The following CACNG2 variants were observed in gnomAD, a reference collection of about 807,000 sequenced individuals.
CACNG2 encodes voltage-dependent calcium channel gamma-2 subunit.
A neutral mutation model predicts 25.9 loss-of-function variants in CACNG2; 3 were observed. That is an observed-to-expected ratio of 0.12 (90% CI 0.05 to 0.30). The LOEUF is 0.30. Among genes scored for constraint, CACNG2 ranks in the 10% least tolerant of loss-of-function variants. The pLI is 1.00. For missense variants in CACNG2, 341 were observed against 432.5 expected, an observed-to-expected ratio of 0.79 and a Z score of 1.88; for synonymous variants, 167 against 173.3, an observed-to-expected ratio of 0.96 and a Z score of 0.29.
At chr22:36,625,124 G>A (rs1401350664) in intron 1 of CACNG2, among the ~76,000 whole-genome samples, 4 of 151,818 alleles carry the variant, frequency 2.6e-5, no homozygotes, top group Non-Finnish European at 4.4e-5. Flanking sequence ...GTGTCAATAA[G>A]GCATCTCTGA....
chr22:36,623,283 A>G (rs1936136550), intron 1 of CACNG2, among the ~76,000 whole-genome samples: 1 of 152,032 alleles, frequency 6.6e-6, no homozygotes, highest in Non-Finnish European at 1.5e-5. Context: ...GGCCTCCCAA[A>G]GTGCTGGGAT....
In CACNG2 at chr22:36,648,197, T is replaced by C. The variant is rs145355211; in HGVS notation, c.211+54169A>G. On this transcript the variant is annotated intron_variant, in intron 1 of 3. Coordinates refer to ENST00000300105, the MANE Select transcript of CACNG2 (RefSeq NM_006078.5). ...TCAACCTGAGAAATGATGCAATCTT[T>C]TACCCAGTATAAATTCAGCTCTTTA... Among the ~76,000 whole-genome samples, 5 of 152,306 alleles carry C rather than the reference T, an allele frequency of 3.3e-5. No homozygotes were observed. The East Asian group carries it at 9.6e-4, about 29-fold the overall frequency.
At chr22:36,604,292 T>C (rs746828023) in intron 1 of CACNG2, among the ~76,000 whole-genome samples, 2 of 152,216 alleles carry the variant, frequency 1.3e-5, no homozygotes, top group Admixed American at 6.5e-5. Context: ...TTTTTATGGA[T>C]AAGCAAAGAA....
At chr22:36,695,176 A>G (rs533554142) in intron 1 of CACNG2, among the ~76,000 whole-genome samples, 4 of 152,218 alleles carry the variant, frequency 2.6e-5, no homozygotes, top group Middle Eastern at 3.4e-3. Context: ...TGATCATGCC[A>G]CTGCACTTTA....
chr22:36,691,712 G>A (rs1050725953), intron 1 of CACNG2, among the ~76,000 whole-genome samples: 1 of 152,166 alleles, frequency 6.6e-6, no homozygotes, highest in Non-Finnish European at 1.5e-5. Context: ...TGGAGTTAAT[G>A]GGTATCACAG....
chr22:36,699,601 G>C (rs35044807), intron 1 of CACNG2, among the ~76,000 whole-genome samples: 2 of 145,218 alleles, frequency 1.4e-5, no homozygotes, highest in Non-Finnish European at 3.0e-5. Context: ...AAATCTGTTC[G>C]CAATTTCTCC....
chr22:36,626,161 C>A (rs556284489), intron 1 of CACNG2, among the ~76,000 whole-genome samples: 12 of 152,206 alleles, frequency 7.9e-5, no homozygotes, highest in Admixed American at 4.6e-4. Flanking sequence ...CTGAGATGAT[C>A]CACGCGCCTG....
chr22:36,612,094 C>G (rs1280464423), intron 1 of CACNG2, among the ~76,000 whole-genome samples: 2 of 152,166 alleles, frequency 1.3e-5, no homozygotes, highest in African/African-American at 4.8e-5. Flanking sequence ...ATCAGTAGGA[C>G]ATTTTATTAG....
intron 1 of CACNG2, among the ~76,000 whole-genome samples, chr22:36,618,650 G>T (rs2283989): frequency 1.3e-5 from 2 of 152,026 alleles, no homozygotes; most frequent in Non-Finnish European, 2.9e-5. Flanking sequence ...GGCCAGGCAC[G>T]GTGGCTCCAC....
chr22:36,657,856 C>T (rs1002136838), intron 1 of CACNG2, among the ~76,000 whole-genome samples: 1 of 152,020 alleles, frequency 6.6e-6, no homozygotes, highest in Non-Finnish European at 1.5e-5. Context: ...GGGAGCCAGG[C>T]AGGTAGTAAA....
At chr22:36,699,432 A>AT (rs111601480) in intron 1 of CACNG2, among the ~76,000 whole-genome samples, 328 of 149,426 alleles carry the variant, frequency 2.2e-3, no homozygotes, top group Non-Finnish European at 3.2e-3. Flanking sequence ...AGGCAAGGAC[A>AT]TTTTTTTTTT....
At chr22:36,602,201 T>C (rs1935763848) in intron 1 of CACNG2, among the ~76,000 whole-genome samples, 1 of 152,216 alleles carries the variant, frequency 6.6e-6, no homozygotes, top group Non-Finnish European at 1.5e-5. Context: ...GTATGTGTTC[T>C]TTATAAATCT....
intron 2 of CACNG2, among the ~76,000 whole-genome samples, chr22:36,566,800 T>C (rs77406159): frequency 0.014 from 2,083 of 152,314 alleles, 62 homozygotes; most frequent in African/African-American, 0.048. Flanking sequence ...ATGTTCTCTC[T>C]CGTCCCACCA....
intron 1 of CACNG2, among the ~76,000 whole-genome samples, chr22:36,684,307 G>A (rs1937167385): frequency 6.6e-6 from 1 of 152,090 alleles, no homozygotes; most frequent in African/African-American, 2.4e-5. Flanking sequence ...ATTTAAACAG[G>A]GGATCGATTT....
At chr22:36,692,010 T>G (rs747642314) in intron 1 of CACNG2, among the ~76,000 whole-genome samples, 1 of 152,006 alleles carries the variant, frequency 6.6e-6, no homozygotes, top group Non-Finnish European at 1.5e-5. Context: ...GAAAATATGA[T>G]AGAAAAAAGT....
chr22:36,575,147 G>T (rs1170992401), intron 2 of CACNG2, among the ~76,000 whole-genome samples: 1 of 152,210 alleles, frequency 6.6e-6, no homozygotes, highest in African/African-American at 2.4e-5. Context: ...ACCTTACTGG[G>T]TTACAGGGAT....
At chr22:36,641,202 C>T (rs142060593) in intron 1 of CACNG2, among the ~76,000 whole-genome samples, 2 of 152,290 alleles carry the variant, frequency 1.3e-5, no homozygotes, top group East Asian at 3.9e-4. Flanking sequence ...ACCTGATAAA[C>T]ATTTATGCAT....
intron 1 of CACNG2, among the ~76,000 whole-genome samples, chr22:36,653,148 C>T (rs1936644953): frequency 6.6e-6 from 1 of 152,094 alleles, no homozygotes. Context: ...ATGGAGAAAC[C>T]TCGTCTCTAC....
chr22:36,677,469 G>A (rs193233093), intron 1 of CACNG2, among the ~76,000 whole-genome samples: 200 of 152,162 alleles, frequency 1.3e-3, no homozygotes, highest in African/African-American at 4.7e-3. Flanking sequence ...CTCTGGGGTG[G>A]GTCAGAGAGG....
Sources: allele counts gnomAD v4.1 joint callset (sites outside exome capture counted in the v4.1 genomes callset), GRCh38; gene constraint gnomAD v4.1.1; transcripts MANE v1.5; gene names NCBI Gene and HGNC (gene_info 2026-07-23, HGNC 2026-07-21).